Variants in DCDC2 observed in about 807,000 individuals in gnomAD.
DCDC2 encodes the protein doublecortin domain containing 2.
A neutral mutation model predicts 50.2 loss-of-function variants in DCDC2; 40 were observed. The observed-to-expected ratio is 0.80, with a 90% CI of 0.62 to 1.04. The LOEUF is 1.04. Among genes scored for constraint, DCDC2 ranks in the 50% least tolerant of loss-of-function variants. The pLI, the probability that DCDC2 is intolerant of heterozygous loss-of-function variation, is 0.00. For synonymous variants in DCDC2, 234 were observed against 210.6 expected (o/e 1.11, Z -0.96); for missense variants, 570 against 581.9 (o/e 0.98, Z 0.21).
At chr6:24,368,605 T>C in the DCDC2 span, among the ~76,000 whole-genome samples, 10 of 152,128 alleles carry the variant, frequency 6.6e-5, no homozygotes, top group African/African-American at 2.4e-4. Context: ...AAAATTATCT[T>C]TCTAAAGAAT....
chr6:24,203,266 T>C (rs143979715), intron 8 of DCDC2, among the ~76,000 whole-genome samples: 1 of 152,172 alleles, frequency 6.6e-6, no homozygotes, highest in Admixed American at 6.5e-5. Flanking sequence ...CAAAACAGCA[T>C]GATGCTGGTA....
rs535928309 is a variant in DCDC2, at chr6:24,304,832, G to T, written c.349-2788C>A. On this transcript the variant is annotated intron_variant, in intron 2 of 9. Coordinates refer to ENST00000378454, the MANE Select transcript of DCDC2 (RefSeq NM_016356.5). ...ATTTTTTTTCCCTTTTAGAGACAGG[G>T]TGTTGCTCTGTCACCCAGGCTAGAG... Among the ~76,000 whole-genome samples, 18 of 152,140 alleles carry T rather than the reference G, an allele frequency of 1.2e-4. 1 individual carries two copies. In the South Asian group the frequency reaches 3.5e-3, roughly 30 times the overall value.
At chr6:24,294,523 G>T (rs1369003456) in intron 4 of DCDC2, among the ~76,000 whole-genome samples, 1 of 151,992 alleles carries the variant, frequency 6.6e-6, no homozygotes, top group Non-Finnish European at 1.5e-5. Context: ...AAGATCAATG[G>T]ATCCAGGAGT....
At chr6:24,263,698 A>G (rs755852959) in intron 7 of DCDC2, among the ~76,000 whole-genome samples, 28 of 152,316 alleles carry the variant, frequency 1.8e-4, no homozygotes, top group Admixed American at 1.2e-3. Context: ...ACAAACAAAA[A>G]AGAATTTAAA....
chr6:24,375,935 T>C, the DCDC2 span, among the ~76,000 whole-genome samples: 4 of 152,084 alleles, frequency 2.6e-5, no homozygotes, highest in Non-Finnish European at 4.4e-5. Flanking sequence ...GCTGTATCTA[T>C]CACTGGGATT....
At chr6:24,316,988 T>C (rs990648927) in intron 2 of DCDC2, among the ~76,000 whole-genome samples, 2 of 148,248 alleles carry the variant, frequency 1.3e-5, no homozygotes, top group Admixed American at 6.7e-5. Flanking sequence ...TATACATATA[T>C]ATGTAGAGAG....
chr6:24,382,009 A>AAGGAAGGAAGGCAGGCAGGCAGGCAGGC, the DCDC2 span, among the ~76,000 whole-genome samples: 6 of 116,496 alleles, frequency 5.2e-5, no homozygotes, highest in Non-Finnish European at 8.7e-5. Flanking sequence ...GGAAGGAAGG[A>AAGGAAGGAAGGCAGGCAGGCAGGCAGGC]AGGCAGGCAA....
rs749507303 is a variant in DCDC2 at position 24,254,705 on chromosome 6, G to A, written c.922+23344C>T. The stretch of plus-strand genomic sequence containing the variant: ...TCAGACCTGAAATTAAAACCATCAC[G>A]TAACAAAAACTCCAGGTCTAAATGG... On this transcript the variant is annotated intron_variant, in intron 7 of 9. Coordinates refer to ENST00000378454, the MANE Select transcript of DCDC2 (RefSeq NM_016356.5). Among the ~76,000 whole-genome samples, 19 of 152,058 alleles carry A rather than the reference G, an allele frequency of 1.2e-4. No homozygotes were observed. In the Middle Eastern group the frequency reaches 0.017, roughly 136 times the overall value.
chr6:24,236,599 A>G (rs143270589), intron 7 of DCDC2, among the ~76,000 whole-genome samples: 138 of 152,336 alleles, frequency 9.1e-4, no homozygotes, highest in African/African-American at 3.2e-3. Flanking sequence ...TCAACAGAGT[A>G]AACAGACAAG....
rs145157522 is a variant in DCDC2 at position 24,245,044 on chromosome 6, A to T, written c.922+33005T>A. On this transcript the variant is annotated intron_variant, in intron 7 of 9. Coordinates refer to ENST00000378454, the MANE Select transcript of DCDC2 (RefSeq NM_016356.5). ...ACCCTGACTCTCCTAAAAATACAAA[A>T]ATTAGCTGGGTGTGGTGGTTGCTCC... Among the ~76,000 whole-genome samples, 409 of 152,132 alleles carry T rather than the reference A, an allele frequency of 2.7e-3. 2 individuals carry two copies. The highest frequency in any genetic ancestry group is 9.4e-3 in the African/African-American group (392 of 41,496).
intron 6 of DCDC2, among the ~76,000 whole-genome samples, chr6:24,288,166 C>T (rs1169530755): frequency 6.6e-6 from 1 of 152,156 alleles, no homozygotes; most frequent in Non-Finnish European, 1.5e-5. Flanking sequence ...TGGAAGATGT[C>T]AAATCAGTTC....
At position 24,353,591 on chromosome 6, in the gene DCDC2, G is replaced by T. The variant is rs1355730413; in HGVS notation, c.326C>A (p.Pro109Gln). 1 of 1,589,816 alleles carries T rather than the reference G, an allele frequency of 6.3e-7. No homozygotes were observed. The highest frequency in any genetic ancestry group is 8.6e-7 in the Non-Finnish European group (1 of 1,168,036). ...YLDIGEIKKR[P>Q]MEVVNTEVKP... ...TACCTCTGTATTAACAACTTCCATTGGTCTTTTCTTGATTTCTCCTATGTC... is the reference window on the plus strand; with the variant it reads ...TACCTCTGTATTAACAACTTCCATTTGTCTTTTCTTGATTTCTCCTATGTC... The change falls in exon 2 of 10, where the codon CCA becomes CAA. Residue 109 changes from proline to glutamine, a missense_variant. Coordinates refer to ENST00000378454, the MANE Select transcript of DCDC2 (RefSeq NM_016356.5).
chr6:24,275,970 A>C (rs1763344137), intron 7 of DCDC2, among the ~76,000 whole-genome samples: 1 of 148,334 alleles, frequency 6.7e-6, no homozygotes, highest in Admixed American at 6.9e-5. Flanking sequence ...CCTGGGCTCA[A>C]GTGTTCCTCC....
chr6:24,250,155 G>A (rs1255112352), intron 7 of DCDC2, among the ~76,000 whole-genome samples: 1 of 152,218 alleles, frequency 6.6e-6, no homozygotes, highest in African/African-American at 2.4e-5. Flanking sequence ...GACTGAGTCA[G>A]AGGTAGGCAG....
At chr6:24,360,698 T>C (rs1220810175), upstream of DCDC2, among the ~76,000 whole-genome samples, 1 of 152,132 alleles carries the variant, frequency 6.6e-6, no homozygotes, top group African/African-American at 2.4e-5. Flanking sequence ...TCCTAAGACT[T>C]TTCTACCATG....
Position 24,173,514 on chromosome 6 carries a change from G to T in DCDC2, c.*1216C>A, listed in dbSNP as rs561913362. On this transcript the variant is annotated 3_prime_UTR_variant, in exon 10 of 10. Coordinates refer to ENST00000378454, the MANE Select transcript of DCDC2 (RefSeq NM_016356.5). ...TCTCTTAAGAATTCATAAAAAGGACGAAATTATGTTTTAATTATGTTTTTA... is the reference window on the plus strand; with the variant it reads ...TCTCTTAAGAATTCATAAAAAGGACTAAATTATGTTTTAATTATGTTTTTA... 1.3e-5 allele frequency: 2 copies of T among 152,080 alleles called. No homozygotes were observed. Among genetic ancestry groups the T allele is most frequent in the African/African-American group, 4.8e-5 (2 of 41,428 alleles). The allele number at this position is 152,080 out of a possible 1,614,324, so 9.4% of individuals were successfully genotyped here.
At chr6:24,242,757 T>A (rs1012672775) in intron 7 of DCDC2, among the ~76,000 whole-genome samples, 1 of 151,116 alleles carries the variant, frequency 6.6e-6, no homozygotes, top group African/African-American at 2.4e-5. Flanking sequence ...AGGCCAGGAG[T>A]TCGAGAACAG....
intron 7 of DCDC2, among the ~76,000 whole-genome samples, chr6:24,233,025 GTTAT>G (rs1158172127): frequency 6.6e-6 from 1 of 152,146 alleles, no homozygotes; most frequent in African/African-American, 2.4e-5. Flanking sequence ...CCAAAGCTGA[GTTAT>G]TTGTTTTCTA....
At chr6:24,269,230 T>C (rs1400684675) in intron 7 of DCDC2, among the ~76,000 whole-genome samples, 5 of 152,200 alleles carry the variant, frequency 3.3e-5, no homozygotes, top group Non-Finnish European at 5.9e-5. Context: ...GTCCCAGACA[T>C]TGGACTAAAT....
Sources: allele counts gnomAD v4.1 joint callset (sites outside exome capture counted in the v4.1 genomes callset), GRCh38; gene constraint gnomAD v4.1.1; transcripts MANE v1.5; gene names NCBI Gene and HGNC (gene_info 2026-07-23, HGNC 2026-07-21).